CAMKMT: variants seen among roughly 807,000 people sequenced by gnomAD.
CAMKMT encodes the protein calmodulin-lysine N-methyltransferase.
A neutral mutation model predicts 48.0 loss-of-function variants in CAMKMT; 53 were observed. The observed-to-expected ratio is 1.10, with a 90% CI of 0.89 to 1.39. The LOEUF is 1.39. Among genes scored for constraint, CAMKMT ranks in the 40% most tolerant of loss-of-function variants. The probability of loss-of-function intolerance (pLI) is 0.00; values close to 1 mark genes in which losing one functional copy is unlikely to be tolerated. For synonymous variants in CAMKMT, 165 were observed against 152.3 expected (o/e 1.08, Z -0.61); for missense variants, 428 against 402.7 (o/e 1.06, Z -0.54).
At chr2:44,443,608 A>AC (rs1666802021) in intron 3 of CAMKMT, among the ~76,000 whole-genome samples, 1 of 152,172 alleles carries the variant, frequency 6.6e-6, no homozygotes, top group Non-Finnish European at 1.5e-5. Context: ...AGGTTTAGTC[A>AC]CCACAGTTGA....
At chr2:44,439,609 C>T (rs1319161755) in intron 3 of CAMKMT, among the ~76,000 whole-genome samples, 2 of 151,808 alleles carry the variant, frequency 1.3e-5, no homozygotes, top group South Asian at 2.1e-4. Context: ...GAGGCTGAAG[C>T]AGGTGGATCA....
At chr2:44,533,976 A>T (rs1046858502) in intron 3 of CAMKMT, among the ~76,000 whole-genome samples, 2 of 152,222 alleles carry the variant, frequency 1.3e-5, no homozygotes, top group Admixed American at 6.5e-5. Flanking sequence ...TATGCTGCCT[A>T]CAAGAAACTC....
At chr2:44,574,097 T>C (rs529658511) in intron 3 of CAMKMT, among the ~76,000 whole-genome samples, 2 of 152,328 alleles carry the variant, frequency 1.3e-5, no homozygotes, top group African/African-American at 4.8e-5. Flanking sequence ...CCAGGATTTG[T>C]TTTAATCAGG....
intron 10 of CAMKMT, among the ~76,000 whole-genome samples, chr2:44,768,361 A>ATATTTT (rs35058824): frequency 5.2e-5 from 6 of 115,728 alleles, no homozygotes; most frequent in African/African-American, 1.5e-4. Flanking sequence ...ATATATATAT[A>ATATTTT]TTTTTTTTTT....
At chr2:44,510,110 C>T (rs191528465) in intron 3 of CAMKMT, among the ~76,000 whole-genome samples, 1 of 152,260 alleles carries the variant, frequency 6.6e-6, no homozygotes, top group Admixed American at 6.5e-5. Context: ...GTTAACTGCT[C>T]TACAGAGCTT....
chr2:44,399,160 G>A (rs959869312), intron 3 of CAMKMT, among the ~76,000 whole-genome samples: 16 of 152,088 alleles, frequency 1.1e-4, no homozygotes, highest in African/African-American at 3.4e-4. Context: ...TTCATAGTTC[G>A]TCTTAAGCCT....
At chr2:44,522,649 G>A (rs1261594209) in intron 3 of CAMKMT, among the ~76,000 whole-genome samples, 1 of 152,190 alleles carries the variant, frequency 6.6e-6, no homozygotes, top group African/African-American at 2.4e-5. Flanking sequence ...TTCTTGATAG[G>A]ACCTGGGATT....
chr2:44,365,850 T>A (rs564369381), intron 1 of CAMKMT, among the ~76,000 whole-genome samples: 1 of 152,368 alleles, frequency 6.6e-6, no homozygotes, highest in South Asian at 2.1e-4. Context: ...CCTAGAGGTA[T>A]GAATACTTGG....
intron 3 of CAMKMT, among the ~76,000 whole-genome samples, chr2:44,635,960 T>C (rs1673105765): frequency 2.6e-5 from 4 of 152,224 alleles, no homozygotes; most frequent in Admixed American, 2.6e-4. Context: ...CCTATATAGA[T>C]ATTTCAGTGG....
chr2:44,661,626 C>T (rs939987487), intron 3 of CAMKMT, among the ~76,000 whole-genome samples: 4 of 152,214 alleles, frequency 2.6e-5, no homozygotes, highest in South Asian at 2.1e-4. Context: ...ATAGAATCTC[C>T]GTTACAGTGT....
intron 3 of CAMKMT, among the ~76,000 whole-genome samples, chr2:44,641,914 A>G (rs1673471880): frequency 6.6e-6 from 1 of 152,122 alleles, no homozygotes; most frequent in Non-Finnish European, 1.5e-5. Context: ...GAGAAATGCC[A>G]TCCTTGCGCC....
intron 7 of CAMKMT, among the ~76,000 whole-genome samples, chr2:44,724,955 T>A (rs947305907): frequency 2.0e-5 from 3 of 152,178 alleles, no homozygotes; most frequent in Admixed American, 6.5e-5. Context: ...AGCTAAGTGC[T>A]ATTATGGTAC....
At chr2:44,538,537 T>C (rs1291208249) in intron 3 of CAMKMT, among the ~76,000 whole-genome samples, 2 of 152,136 alleles carry the variant, frequency 1.3e-5, no homozygotes, top group African/African-American at 4.8e-5. Context: ...AAACCAAATA[T>C]GGTTTATTCT....
At chr2:44,672,060 A>G (rs1441178043) in intron 3 of CAMKMT, among the ~76,000 whole-genome samples, 1 of 152,120 alleles carries the variant, frequency 6.6e-6, no homozygotes, top group African/African-American at 2.4e-5. Flanking sequence ...AGGATGATGA[A>G]AACTCAATAC....
intron 3 of CAMKMT, among the ~76,000 whole-genome samples, chr2:44,454,918 AC>A (rs1247099000): frequency 6.6e-6 from 1 of 152,148 alleles, no homozygotes; most frequent in Non-Finnish European, 1.5e-5. Flanking sequence ...TAGCAACAGT[AC>A]CATCAGTTTG....
intron 3 of CAMKMT, among the ~76,000 whole-genome samples, chr2:44,408,514 A>T (rs183941591): frequency 6.7e-6 from 1 of 150,224 alleles, no homozygotes; most frequent in Admixed American, 6.6e-5. Flanking sequence ...TTTCCTATTT[A>T]TTTCTTTACA....
chr2:44,625,887 A>G (rs1033123199), intron 3 of CAMKMT, among the ~76,000 whole-genome samples: 3 of 151,866 alleles, frequency 2.0e-5, no homozygotes, highest in African/African-American at 4.9e-5. Context: ...CATTATGCCA[A>G]TACCATACTG....
intron 3 of CAMKMT, among the ~76,000 whole-genome samples, chr2:44,534,962 A>G (rs1260301574): frequency 6.6e-6 from 1 of 152,062 alleles, no homozygotes; most frequent in Non-Finnish European, 1.5e-5. Context: ...TTTAACATAT[A>G]AAGTTGATAA....
chr2:44,758,252 A>C (rs550526693), intron 9 of CAMKMT, among the ~76,000 whole-genome samples: 3 of 152,304 alleles, frequency 2.0e-5, no homozygotes, highest in South Asian at 2.1e-4. Context: ...AGAAGCAAAG[A>C]AAGTAGATGG....
Sources: gnomAD v4.1 joint callset for allele counts (sites outside exome capture counted in the v4.1 genomes callset) on GRCh38, gnomAD v4.1.1 for gene constraint, MANE v1.5 for transcripts, NCBI Gene and HGNC (gene_info 2026-07-23, HGNC 2026-07-21) for gene names.